Variants in MAML3 observed in about 807,000 individuals in gnomAD.
MAML3 encodes mastermind-like protein 3.
MAML3 carries 27 observed loss-of-function variants against 101.9 expected under a neutral mutation model. That is an observed-to-expected ratio of 0.27 (90% CI 0.20 to 0.37). MAML3 has a LOEUF of 0.37. Among genes scored for constraint, MAML3 ranks in the 10% least tolerant of loss-of-function variants. MAML3 has a pLI of 1.00. For missense variants in MAML3, 1,316 were observed against 1,444.9 expected (o/e 0.91, Z 1.45); for synonymous variants, 501 against 555.9 (o/e 0.90, Z 1.39).
chr4:140,147,081 C>T (rs1193148527), intron 1 of MAML3, among the ~76,000 whole-genome samples: 2 of 138,276 alleles, frequency 1.4e-5, no homozygotes, highest in South Asian at 2.2e-4. Context: ...TGCAGTGAGC[C>T]GAGATTGCAT....
chr4:139,882,409 G>T (rs1244864871), intron 2 of MAML3, among the ~76,000 whole-genome samples: 2 of 150,330 alleles, frequency 1.3e-5, no homozygotes, highest in African/African-American at 2.4e-5. Context: ...TCAGGGTAAA[G>T]AATATTAGAA....
intron 1 of MAML3, among the ~76,000 whole-genome samples, chr4:140,122,368 G>A (rs993445270): frequency 6.6e-6 from 1 of 151,676 alleles, no homozygotes; most frequent in Admixed American, 6.6e-5. Flanking sequence ...TTACAGACCT[G>A]AACCACCACA....
At chr4:139,974,333 C>T (rs954077154) in intron 1 of MAML3, among the ~76,000 whole-genome samples, 1 of 152,082 alleles carries the variant, frequency 6.6e-6, no homozygotes, top group African/African-American at 2.4e-5. Context: ...TCTCGATCTC[C>T]TGACCTTGTG....
intron 1 of MAML3, among the ~76,000 whole-genome samples, chr4:139,964,949 T>C (rs1171028979): frequency 6.6e-6 from 1 of 152,194 alleles, no homozygotes; most frequent in East Asian, 1.9e-4. Context: ...CAATTTCAAG[T>C]ACCAACTTGG....
intron 1 of MAML3, among the ~76,000 whole-genome samples, chr4:140,100,239 G>C (rs1381424812): frequency 6.6e-6 from 1 of 151,966 alleles, no homozygotes; most frequent in African/African-American, 2.4e-5. Flanking sequence ...CAACGTTCCC[G>C]GATTTCCTCT....
intron 1 of MAML3, among the ~76,000 whole-genome samples, chr4:140,015,895 G>A (rs1726634064): frequency 6.6e-6 from 1 of 152,188 alleles, no homozygotes; most frequent in Admixed American, 6.5e-5. Context: ...GGCAGTTGTA[G>A]TCAGCCCAGA....
At chr4:139,775,588 C>T (rs1192407825) in intron 2 of MAML3, among the ~76,000 whole-genome samples, 1 of 152,102 alleles carries the variant, frequency 6.6e-6, no homozygotes. Context: ...AAACCATGAG[C>T]TGTGGGCCCG....
chr4:139,746,124 A>G (rs932122251), intron 2 of MAML3, among the ~76,000 whole-genome samples: 3 of 152,242 alleles, frequency 2.0e-5, no homozygotes, highest in Non-Finnish European at 4.4e-5. Context: ...ATAAGCTCTC[A>G]GTTGGATTTT....
chr4:139,996,826 C>T (rs1156597186), intron 1 of MAML3, among the ~76,000 whole-genome samples: 5 of 151,534 alleles, frequency 3.3e-5, no homozygotes, highest in South Asian at 2.1e-4. Flanking sequence ...TTTGGGAGGC[C>T]GAGGAGGGCG....
At chr4:140,127,408 G>A (rs555507213) in intron 1 of MAML3, among the ~76,000 whole-genome samples, 44 of 144,888 alleles carry the variant, frequency 3.0e-4, no homozygotes, top group African/African-American at 1.0e-3. Context: ...TATATGGTAT[G>A]TCCAAAAGGA....
intron 1 of MAML3, among the ~76,000 whole-genome samples, chr4:140,136,293 C>G (rs1175893906): frequency 6.6e-6 from 1 of 152,162 alleles, no homozygotes; most frequent in East Asian, 1.9e-4. Flanking sequence ...TGAAATTCCC[C>G]TAAAAAGCCT....
At chr4:139,833,297 G>A (rs768217422) in intron 2 of MAML3, among the ~76,000 whole-genome samples, 1 of 152,182 alleles carries the variant, frequency 6.6e-6, no homozygotes, top group African/African-American at 2.4e-5. Flanking sequence ...TAGAGCAGTC[G>A]GCAGGTCACA....
chr4:139,745,401 G>A (rs1485227520), intron 2 of MAML3, among the ~76,000 whole-genome samples: 1 of 152,196 alleles, frequency 6.6e-6, no homozygotes, highest in African/African-American at 2.4e-5. Flanking sequence ...GCTGGATCTG[G>A]AGAAAAGTGG....
At chr4:139,956,056 A>C (rs1205210278) in intron 1 of MAML3, among the ~76,000 whole-genome samples, 3 of 152,196 alleles carry the variant, frequency 2.0e-5, no homozygotes, top group Non-Finnish European at 4.4e-5. Flanking sequence ...TTCTAATGCA[A>C]AGCAACTGGT....
intron 1 of MAML3, among the ~76,000 whole-genome samples, chr4:139,922,354 C>T (rs1733145135): frequency 6.6e-6 from 1 of 152,210 alleles, no homozygotes; most frequent in Middle Eastern, 3.4e-3. Context: ...AAGATCATTA[C>T]CATATCAAAG....
At chr4:140,073,752 A>G (rs868132731) in intron 1 of MAML3, among the ~76,000 whole-genome samples, 1 of 152,122 alleles carries the variant, frequency 6.6e-6, no homozygotes, top group Non-Finnish European at 1.5e-5. Context: ...CCTTGATTGG[A>G]AAGTTCTGAG....
At chr4:139,770,928 C>T (rs6852267) in intron 2 of MAML3, among the ~76,000 whole-genome samples, 1 of 152,020 alleles carries the variant, frequency 6.6e-6, no homozygotes, top group East Asian at 1.9e-4. Context: ...AGGTTGGGAA[C>T]GCTGCCCAGA....
chr4:139,802,462 T>C (rs981143081), intron 2 of MAML3, among the ~76,000 whole-genome samples: 2 of 152,202 alleles, frequency 1.3e-5, no homozygotes, highest in African/African-American at 4.8e-5. Context: ...TCACCTTACC[T>C]TTGGCTTACT....
intron 1 of MAML3, among the ~76,000 whole-genome samples, chr4:139,935,047 C>T (rs567444341): frequency 1.3e-5 from 2 of 152,174 alleles, no homozygotes; most frequent in Admixed American, 6.5e-5. Flanking sequence ...GGGCAACGTA[C>T]GGCTGCCAAT....
Sources: gnomAD v4.1 joint callset for allele counts (sites outside exome capture counted in the v4.1 genomes callset) on GRCh38, gnomAD v4.1.1 for gene constraint, MANE v1.5 for transcripts, NCBI Gene and HGNC (gene_info 2026-07-23, HGNC 2026-07-21) for gene names.